The following CAMTA1 variants were observed in gnomAD, a reference collection of about 807,000 sequenced individuals.
The protein encoded by CAMTA1 is calmodulin-binding transcription activator 1.
Under a neutral mutation model 170.9 loss-of-function variants are expected in CAMTA1, and 27 were observed. The observed-to-expected ratio is 0.16, with a 90% confidence interval of 0.12 to 0.22. CAMTA1 has a LOEUF of 0.22. Ranked by LOEUF, CAMTA1 falls within the 10% of genes least tolerant of loss-of-function variation. CAMTA1 has a pLI of 1.00. For missense variants in CAMTA1, 1,619 were observed against 2,217.2 expected (o/e 0.73, Z 5.42); for synonymous variants, 833 against 891.5 (o/e 0.93, Z 1.17).
rs1175764833 is a variant in CAMTA1, at chr1:7,337,668, ATCACAATGTGGGCGGTGGGCCTCATCCAG to A, written c.438+88055_438+88083del. On this transcript the variant is annotated intron_variant, in intron 5 of 22. Coordinates refer to ENST00000303635, the MANE Select transcript of CAMTA1 (RefSeq NM_015215.4). ...CAATGTGGGCGGTGGGCCTCATCCA[ATCACAATGTGGGCGGTGGGCCTCATCCAG>A]TCACAATGTGGGTGATGGGCCTCAT... Among the ~76,000 whole-genome samples, 1,211 of 149,860 alleles carry A rather than the reference ATCACAATGTGGGCGGTGGGCCTCATCCAG, an allele frequency of 8.1e-3. 18 individuals are homozygous for A. Among genetic ancestry groups the A allele is most frequent in the South Asian group, 0.024 (114 of 4,710 alleles).
intron 1 of CAMTA1, among the ~76,000 whole-genome samples, chr1:6,798,291 A>G (rs550394511): frequency 2.0e-5 from 3 of 152,240 alleles, no homozygotes; most frequent in South Asian, 2.1e-4. Flanking sequence ...CCCAGCCTAA[A>G]AAAGGAATAT....
rs753206934 is a variant in CAMTA1 at position 7,270,262 on chromosome 1, CACACACACACACATAT to C, written c.438+20638_438+20653del. ...ATATACATACACACACACACACACA[CACACACACACACATAT>C]ATATATATATATATTTTTTTTTTTT... On this transcript the variant is annotated intron_variant, in intron 5 of 22. Coordinates refer to ENST00000303635, the MANE Select transcript of CAMTA1 (RefSeq NM_015215.4). Among the ~76,000 whole-genome samples the C allele has an allele frequency of 1.9e-3, 176 of 92,188 alleles. 1 individual carries two copies. The highest frequency in any genetic ancestry group is 6.4e-3 in the East Asian group (21 of 3,300). 60.5% of individuals were successfully genotyped at this position (92,188 alleles called of 152,430 possible).
chr1:6,907,011 G>A (rs1678657415), intron 3 of CAMTA1, among the ~76,000 whole-genome samples: 1 of 152,104 alleles, frequency 6.6e-6, no homozygotes. Flanking sequence ...TTGTTCTCTC[G>A]CAGGAAGTCT....
chr1:7,396,569 A>C (rs993139264), intron 5 of CAMTA1, among the ~76,000 whole-genome samples: 6 of 152,210 alleles, frequency 3.9e-5, no homozygotes, highest in Non-Finnish European at 7.3e-5. Flanking sequence ...TCATTGTCTT[A>C]TTCCAGATCT....
At chr1:6,995,390 G>A (rs944791838) in intron 3 of CAMTA1, among the ~76,000 whole-genome samples, 3 of 128,270 alleles carry the variant, frequency 2.3e-5, no homozygotes, top group Admixed American at 1.9e-4. Flanking sequence ...TGCAACCTCC[G>A]CCTCCTGGGT....
intron 4 of CAMTA1, among the ~76,000 whole-genome samples, chr1:7,243,842 T>C (rs1218328831): frequency 6.6e-6 from 1 of 152,192 alleles, no homozygotes; most frequent in African/African-American, 2.4e-5. Context: ...AAGGACTTCA[T>C]GTCTAAAACA....
chr1:6,931,828 C>T (rs1684464794), intron 3 of CAMTA1, among the ~76,000 whole-genome samples: 1 of 152,144 alleles, frequency 6.6e-6, no homozygotes, highest in African/African-American at 2.4e-5. Context: ...CTTGGTACCT[C>T]ATTTGCTGAA....
intron 1 of CAMTA1, among the ~76,000 whole-genome samples, chr1:6,797,386 C>T (rs10458478): frequency 0.19 from 28,532 of 149,240 alleles, 2,788 homozygotes; most frequent in East Asian, 0.29. Context: ...TTTTTATTTA[C>T]TGGGTTTTTT....
In CAMTA1 at chr1:7,532,434, T is replaced by C. The variant is rs192394317; in HGVS notation, c.510+64533T>C. 2.9e-3 allele frequency among the ~76,000 whole-genome samples: 436 copies of C among 152,214 alleles called. No individual in the cohort carries two copies. The highest frequency in any genetic ancestry group is 0.01 in the African/African-American group (426 of 41,464). On this transcript the variant is annotated intron_variant, in intron 6 of 22. Transcript: ENST00000303635. The surrounding 1 kb of genome is among the most constrained non-coding windows in gnomAD (Gnocchi z 4.2). ...CCTCAGCCTCCCAAGTATCTGGGAC[T>C]ACAGGCACACACCCCTGTGCCCAGC...
chr1:6,964,886 G>A (rs1237150969), intron 3 of CAMTA1, among the ~76,000 whole-genome samples: 1 of 152,212 alleles, frequency 6.6e-6, no homozygotes, highest in Non-Finnish European at 1.5e-5. Flanking sequence ...TGGAAGTAGG[G>A]GACTGTCTTC....
intron 11 of CAMTA1, among the ~76,000 whole-genome samples, chr1:7,720,054 C>G (rs2096639132): frequency 6.6e-6 from 1 of 152,272 alleles, no homozygotes; most frequent in African/African-American, 2.4e-5. Flanking sequence ...TCTCCTCTGG[C>G]AACAAGACCT....
intron 3 of CAMTA1, among the ~76,000 whole-genome samples, chr1:6,952,184 A>G (rs1463837930): frequency 6.6e-6 from 1 of 152,158 alleles, no homozygotes; most frequent in African/African-American, 2.4e-5. Flanking sequence ...TAATCCCAGC[A>G]CTTTGGGAGG....
chr1:7,131,522 CTTTTT>C (rs58819912), intron 4 of CAMTA1, among the ~76,000 whole-genome samples: 1 of 126,698 alleles, frequency 7.9e-6, no homozygotes, highest in Non-Finnish European at 1.7e-5. Context: ...ATCGTCTTTT[CTTTTT>C]TTTTTTTTTT....
chr1:7,593,783 A>G lies in CAMTA1; in HGVS notation c.511-46617A>G, dbSNP rs1266343323. On this transcript the variant is annotated intron_variant, in intron 6 of 22. Transcript: ENST00000303635. The stretch of plus-strand genomic sequence containing the variant: ...TGAGATTACAGGCGTGAACCACTGT[A>G]CCTGGCCCCTAACACTAGGAGGCCA... 2.8e-5 allele frequency among the ~76,000 whole-genome samples: 4 copies of G among 143,994 alleles called. No individual in the cohort carries two copies. The South Asian group carries it at 1.0e-3, about 36-fold the overall frequency. The allele number at this position is 143,994 out of a possible 152,430, so 94.5% of individuals were successfully genotyped here.
intron 11 of CAMTA1, among the ~76,000 whole-genome samples, chr1:7,714,838 T>C (rs891173849): frequency 6.6e-6 from 1 of 152,120 alleles, no homozygotes; most frequent in African/African-American, 2.4e-5. Context: ...ATCCTTCTTA[T>C]TAGGACCTAT....
intron 6 of CAMTA1, among the ~76,000 whole-genome samples, chr1:7,579,984 G>A (rs1278660204): frequency 1.3e-5 from 2 of 152,250 alleles, no homozygotes; most frequent in Non-Finnish European, 2.9e-5. Context: ...GAGAAGTGGG[G>A]GCTCCATAAA....
At chr1:7,165,623 G>A (rs1044968919) in intron 4 of CAMTA1, among the ~76,000 whole-genome samples, 9 of 152,078 alleles carry the variant, frequency 5.9e-5, no homozygotes, top group African/African-American at 2.2e-4. Flanking sequence ...GTAGATACGG[G>A]GTTTCACCAT....
At chr1:7,230,776 C>A (rs1300613274) in intron 4 of CAMTA1, among the ~76,000 whole-genome samples, 4 of 152,168 alleles carry the variant, frequency 2.6e-5, no homozygotes. Flanking sequence ...CCAGCCCCAG[C>A]CCCCGGGAGC....
intron 3 of CAMTA1, among the ~76,000 whole-genome samples, chr1:6,959,242 A>G (rs1689973502): frequency 6.6e-6 from 1 of 152,224 alleles, no homozygotes; most frequent in Non-Finnish European, 1.5e-5. Context: ...AAGGGTGGCC[A>G]CAGTCCTCTC....
Sources: allele counts gnomAD v4.1 joint callset (sites outside exome capture counted in the v4.1 genomes callset), GRCh38; gene constraint gnomAD v4.1.1; non-coding constraint Gnocchi (gnomAD v3.1); transcripts MANE v1.5; gene names NCBI Gene and HGNC (gene_info 2026-07-23, HGNC 2026-07-21).